The following SAMD5 variants were observed in gnomAD, a reference collection of about 807,000 sequenced individuals.
SAMD5 encodes the protein sterile alpha motif domain-containing protein 5.
SAMD5 carries 13 observed loss-of-function variants against 11.3 expected under a neutral mutation model. The observed-to-expected ratio is 1.15, with a 90% CI of 0.75 to 1.83. The LOEUF (loss-of-function observed/expected upper bound fraction) is 1.83, where lower values mean the gene tolerates loss of function less well. Among genes scored for constraint, SAMD5 ranks in the 40% most tolerant of loss-of-function variants. SAMD5 has a pLI of 0.00. For missense variants in SAMD5, 255 were observed against 239.1 expected, an observed-to-expected ratio of 1.07 and a Z score of -0.44; for synonymous variants, 129 against 111.3, an observed-to-expected ratio of 1.16 and a Z score of -1.00.
chr6:147,640,513 A>AAAAAAAAAAAAAAAAAAAAAC (rs1453627792), intron 1 of SAMD5, among the ~76,000 whole-genome samples: 1 of 149,832 alleles, frequency 6.7e-6, no homozygotes, highest in Non-Finnish European at 1.5e-5. Flanking sequence ...AAAAAAAAAA[A>AAAAAAAAAAAAAAAAAAAAAC]AAAAAAAAAG....
At chr6:147,624,268 C>T (rs574758035) in intron 1 of SAMD5, among the ~76,000 whole-genome samples, 21 of 152,224 alleles carry the variant, frequency 1.4e-4, no homozygotes, top group African/African-American at 5.1e-4. Context: ...AAGGCCGAGC[C>T]CAGCTGAGGG....
At chr6:147,598,858 A>C (rs1431149606) in intron 1 of SAMD5, among the ~76,000 whole-genome samples, 2 of 152,164 alleles carry the variant, frequency 1.3e-5, no homozygotes, top group Non-Finnish European at 2.9e-5. Context: ...AGAGAAGAAA[A>C]AACCTGGGTA....
At chr6:147,521,987 A>T (rs1788262166) in intron 1 of SAMD5, among the ~76,000 whole-genome samples, 1 of 151,974 alleles carries the variant, frequency 6.6e-6, no homozygotes, top group Non-Finnish European at 1.5e-5. Context: ...ATCTTTCCAA[A>T]TCTTTTTCTT....
At chr6:147,541,866 C>T (rs1459049373) in intron 1 of SAMD5, among the ~76,000 whole-genome samples, 1 of 152,136 alleles carries the variant, frequency 6.6e-6, no homozygotes, top group Non-Finnish European at 1.5e-5. Context: ...AAAGAGCCAA[C>T]CAAGATCCCC....
At chr6:147,707,534 A>G (rs1049165357) in intron 1 of SAMD5, among the ~76,000 whole-genome samples, 2 of 152,094 alleles carry the variant, frequency 1.3e-5, no homozygotes, top group African/African-American at 4.8e-5. Flanking sequence ...TAAATAGGAA[A>G]CACCCTCAAC....
the SAMD5 span, among the ~76,000 whole-genome samples, chr6:147,828,698 G>A: frequency 6.6e-6 from 1 of 152,166 alleles, no homozygotes; most frequent in Non-Finnish European, 1.5e-5. Flanking sequence ...ACCTTGTGAT[G>A]GTGTGAGTTA....
Position 147,564,880 on chromosome 6 carries a change from T to A in SAMD5, c.*424T>A. The A allele has an allele frequency of 1.1e-6, 1 of 894,864 alleles. No homozygotes were observed. Among genetic ancestry groups the A allele is most frequent in the Non-Finnish European group, 1.3e-6 (1 of 747,356 alleles). 55.4% of individuals were successfully genotyped at this position (894,864 alleles called of 1,614,324 possible). A position where few individuals can be genotyped will look rare whatever the true frequency, so the allele number is the denominator to read the frequency against. On this transcript the variant is annotated 3_prime_UTR_variant, in exon 2 of 2. Transcript: ENST00000367474. Reference sequence around the variant, plus strand: ...TATTATTTCCAAATTTGCTTTTAACTTGAGAACAGTAGCTTTAATTTTTAT... The same window carrying A: ...TATTATTTCCAAATTTGCTTTTAACATGAGAACAGTAGCTTTAATTTTTAT...
At chr6:147,926,647 T>A in the SAMD5 span, among the ~76,000 whole-genome samples, 1 of 152,226 alleles carries the variant, frequency 6.6e-6, no homozygotes, top group Non-Finnish European at 1.5e-5. Context: ...TGTTGATAGT[T>A]TCTTCTGCTG....
the SAMD5 span, among the ~76,000 whole-genome samples, chr6:147,873,924 T>G: frequency 6.6e-6 from 1 of 152,158 alleles, no homozygotes; most frequent in South Asian, 2.1e-4. Context: ...AACCCCAAAT[T>G]AGCAGCAAAC....
chr6:147,880,626 C>T, the SAMD5 span, among the ~76,000 whole-genome samples: 2 of 152,124 alleles, frequency 1.3e-5, no homozygotes, highest in Non-Finnish European at 2.9e-5. Context: ...TTTCTCGGAA[C>T]CCCTCAGACA....
At chr6:147,754,775 A>C in the SAMD5 span, among the ~76,000 whole-genome samples, 7 of 152,152 alleles carry the variant, frequency 4.6e-5, no homozygotes, top group East Asian at 1.3e-3. Context: ...ATTCTTCTGC[A>C]TATGGATATC....
At chr6:147,822,146 T>C in the SAMD5 span, among the ~76,000 whole-genome samples, 2 of 152,198 alleles carry the variant, frequency 1.3e-5, no homozygotes, top group African/African-American at 2.4e-5. Flanking sequence ...TACCAATTTA[T>C]ATGATCAATC....
At chr6:147,944,235 C>T in the SAMD5 span, among the ~76,000 whole-genome samples, 1 of 152,138 alleles carries the variant, frequency 6.6e-6, no homozygotes, top group African/African-American at 2.4e-5. Context: ...CTGTATTAGT[C>T]CTTTTTCATG....
At chr6:147,649,465 A>G (rs1198393183) in intron 1 of SAMD5, among the ~76,000 whole-genome samples, 3 of 152,222 alleles carry the variant, frequency 2.0e-5, no homozygotes, top group Non-Finnish European at 4.4e-5. Flanking sequence ...AAAGGGATGT[A>G]TGCTCAATGA....
At position 147,565,766 on chromosome 6, in the gene SAMD5, C is replaced by G. The variant is rs890116796; in HGVS notation, c.*1310C>G. 80 of 985,310 alleles carry G rather than the reference C, an allele frequency of 8.1e-5. No homozygotes were observed. The highest frequency in any genetic ancestry group is 4.3e-4 in the Admixed American group (7 of 16,276). The allele number at this position is 985,310 out of a possible 1,614,324, so 61.0% of individuals were successfully genotyped here. ...TGAGCCATCACACCCGGCCTGGATG[C>G]TGGTAGTTTTATTTTCTGCTTAGAA... On this transcript the variant is annotated 3_prime_UTR_variant, in exon 2 of 2. Coordinates refer to ENST00000367474, the MANE Select transcript of SAMD5 (RefSeq NM_001030060.3).
intron 1 of SAMD5, among the ~76,000 whole-genome samples, chr6:147,542,840 C>T (rs1404423267): frequency 6.6e-6 from 1 of 152,174 alleles, no homozygotes. Flanking sequence ...TGAAGGAGGT[C>T]TGCTTGGGAA....
chr6:147,682,866 C>T (rs73011970), intron 1 of SAMD5, among the ~76,000 whole-genome samples: 17,458 of 152,112 alleles, frequency 0.11, 1,088 homozygotes, highest in Middle Eastern at 0.16. Context: ...CTTATTAAAT[C>T]ATACTTGTAG....
At chr6:147,856,899 G>A in the SAMD5 span, among the ~76,000 whole-genome samples, 5 of 149,310 alleles carry the variant, frequency 3.3e-5, no homozygotes, top group Admixed American at 6.6e-5. Context: ...AAAAAATGTC[G>A]GCAACAATGC....
the SAMD5 span, among the ~76,000 whole-genome samples, chr6:147,951,280 C>G: frequency 2.0e-5 from 3 of 151,682 alleles, no homozygotes; most frequent in Non-Finnish European, 4.4e-5. Context: ...CTTCCGGGTT[C>G]ACGCCATTCT....
Sources: gnomAD v4.1 joint callset for allele counts (sites outside exome capture counted in the v4.1 genomes callset) on GRCh38, gnomAD v4.1.1 for gene constraint, MANE v1.5 for transcripts, NCBI Gene and HGNC (gene_info 2026-07-23, HGNC 2026-07-21) for gene names.